The following ITGA6 variants were observed in gnomAD, a reference collection of about 807,000 sequenced individuals.
ITGA6 encodes the protein integrin alpha-6.
In ITGA6, 63 loss-of-function variants were observed where a neutral mutation model predicts 133.6. The ratio of observed to expected loss-of-function variants is 0.47; its 90% CI spans 0.38 to 0.58. The LOEUF (loss-of-function observed/expected upper bound fraction) is 0.58. Ranked by LOEUF, ITGA6 falls within the 20% of genes least tolerant of loss-of-function variation. ITGA6 has a pLI of 0.00. For synonymous variants in ITGA6, 434 were observed against 482.0 expected (o/e 0.90, Z 1.30); for missense variants, 1,068 against 1,309.4 (o/e 0.82, Z 2.85).
intron 1 of ITGA6, among the ~76,000 whole-genome samples, chr2:172,450,364 A>G (rs1684936836): frequency 6.6e-6 from 1 of 152,194 alleles, no homozygotes; most frequent in Admixed American, 6.5e-5. Context: ...TTGTTCAGGT[A>G]TGATGTGATG....
intron 1 of ITGA6, among the ~76,000 whole-genome samples, chr2:172,450,834 AAT>A (rs141518780): frequency 6.9e-6 from 1 of 144,786 alleles, no homozygotes; most frequent in African/African-American, 2.6e-5. Context: ...ATATATATAA[AAT>A]ATATATATAA....
At position 172,489,588 on chromosome 2, in the gene ITGA6, A is replaced by G. The variant is rs926125230; in HGVS notation, c.2609A>G (p.Lys870Arg). 5 of 1,614,104 alleles carry G rather than the reference A, an allele frequency of 3.1e-6. No individual in the cohort carries two copies. The highest frequency in any genetic ancestry group is 4.2e-6 in the Non-Finnish European group (5 of 1,179,942). The change falls in exon 20 of 26, where the codon AAA becomes AGA. Residue 870 changes from lysine to arginine, a missense_variant. Physicochemically the swap from Lys to Arg is conservative, Grantham distance 26. This residue lies in a region of ITGA6 where 609 missense variants were observed against 707.2 expected (regional missense o/e 0.86). Transcript: ENST00000684293. ...GGGAAATGGTTGCTTTATTTGGTGA[A>G]AGTAGAATCCAAAGGATTGGAAAAG... ...SNGKWLLYLVKVESKGLEKVT... is the reference protein window; with the variant it reads ...SNGKWLLYLVRVESKGLEKVT...
intron 3 of ITGA6, among the ~76,000 whole-genome samples, chr2:172,468,399 A>T (rs550412124): frequency 2.6e-5 from 4 of 152,338 alleles, no homozygotes; most frequent in African/African-American, 9.6e-5. Context: ...CAGAATTTTG[A>T]GAAAAAAAAT....
intron 1 of ITGA6, among the ~76,000 whole-genome samples, chr2:172,443,662 T>G (rs1684632527): frequency 6.6e-6 from 1 of 152,276 alleles, no homozygotes; most frequent in Non-Finnish European, 1.5e-5. Context: ...CTGTACTTTA[T>G]GCTTGTTAAA....
At chr2:172,476,300 T>C (rs1256975496) in intron 8 of ITGA6, 95 bp from the exon 9 acceptor site, 1 of 793,762 alleles carries the variant, frequency 1.3e-6, no homozygotes, top group Non-Finnish European at 2.3e-6. Flanking sequence ...CTCTCAAATT[T>C]CAGTTCAAAA....
chr2:172,475,736 A>G lies in ITGA6; in HGVS notation c.1269+51A>G, dbSNP rs376491950. On this transcript the variant is annotated intron_variant, in intron 8 of 25. Coordinates refer to ENST00000684293, the MANE Select transcript of ITGA6 (RefSeq NM_000210.4). The stretch of plus-strand genomic sequence containing the variant: ...AGCTAGAGTCTCAACTTTTTGCCCT[A>G]TAATAAAATATTTAGGTTTAAGTGA... The G allele has an allele frequency of 1.0e-3, 999 of 965,694 alleles. 5 individuals carry two copies. The highest frequency in any genetic ancestry group is 3.4e-3 in the South Asian group (268 of 77,746). The allele number at this position is 965,694 out of a possible 1,614,324, so 59.8% of individuals were successfully genotyped here.
chr2:172,506,151 G>A lies in ITGA6; in HGVS notation c.*2083G>A, dbSNP rs531270010. On this transcript the variant is annotated 3_prime_UTR_variant, in exon 26 of 26. Transcript: ENST00000684293. Reference sequence around the variant, plus strand: ...TATTTCATGATTAGAAATTACCTGTGGATATTTGTATAAAAGTGTGAAATA... The same window carrying A: ...TATTTCATGATTAGAAATTACCTGTAGATATTTGTATAAAAGTGTGAAATA... 1 of 152,660 alleles carries A rather than the reference G, an allele frequency of 6.6e-6. No homozygotes were observed. The highest frequency in any genetic ancestry group is 2.1e-4 in the South Asian group (1 of 4,828). The allele number at this position is 152,660 out of a possible 1,614,324, so 9.5% of individuals were successfully genotyped here.
intron 25 of ITGA6, chr2:172,503,340 T>A (rs1687427488): frequency 1.3e-5 from 2 of 152,226 alleles, no homozygotes; most frequent in Admixed American, 1.3e-4. Flanking sequence ...TATATATATA[T>A]AAACACACAC....
At chr2:172,486,777 GGCT>G (rs768306786) in intron 13 of ITGA6, among the ~76,000 whole-genome samples, 25 of 152,098 alleles carry the variant, frequency 1.6e-4, no homozygotes, top group Non-Finnish European at 3.1e-4. Flanking sequence ...AAATCTGTGT[GGCT>G]GCTGGGTCAC....
chr2:172,428,214 G>A (rs1328129759), intron 1 of ITGA6: 1 of 248,056 alleles, frequency 4.0e-6, no homozygotes. Flanking sequence ...CCCCGGGAGA[G>A]TTTACTTTTT....
intron 2 of ITGA6, 95 bp from the exon 3 acceptor site, chr2:172,467,386 C>T (rs1559134663): frequency 5.7e-6 from 5 of 884,534 alleles, no homozygotes; most frequent in Non-Finnish European, 7.5e-6. Flanking sequence ...GACTCAGAGT[C>T]GAGGCCATTT....
chr2:172,479,898 G>C (rs1428252746), intron 10 of ITGA6, 92 bp from the exon 11 acceptor site: 1 of 1,043,162 alleles, frequency 9.6e-7, no homozygotes, highest in African/African-American at 1.6e-5. Context: ...TCATCAATGG[G>C]CATTGGGGGG....
intron 23 of ITGA6, among the ~76,000 whole-genome samples, chr2:172,495,984 G>A (rs1329976857): frequency 6.6e-6 from 1 of 152,182 alleles, no homozygotes; most frequent in Admixed American, 6.5e-5. Flanking sequence ...TCTTACAAAT[G>A]AGGATGGCCC....
chr2:172,469,737 A>G (rs937919281), intron 4 of ITGA6, among the ~76,000 whole-genome samples: 3 of 152,242 alleles, frequency 2.0e-5, no homozygotes, highest in African/African-American at 7.2e-5. Flanking sequence ...GGAGGATTAA[A>G]TAATGGTATA....
chr2:172,451,683 G>C (rs987559646), intron 1 of ITGA6, among the ~76,000 whole-genome samples: 1 of 152,192 alleles, frequency 6.6e-6, no homozygotes, highest in Non-Finnish European at 1.5e-5. Context: ...AGCGCAGCTA[G>C]AGATGAGGAA....
chr2:172,490,316 A>G (rs1474950936), intron 20 of ITGA6, among the ~76,000 whole-genome samples: 1 of 152,156 alleles, frequency 6.6e-6, no homozygotes, highest in African/African-American at 2.4e-5. Context: ...CAAAGCCTGT[A>G]CTGTTAACCC....
chr2:172,467,046 A>G (rs916490958), intron 2 of ITGA6, among the ~76,000 whole-genome samples: 1 of 152,242 alleles, frequency 6.6e-6, no homozygotes. Flanking sequence ...AATGCTGTTA[A>G]ATAAAAAAAT....
chr2:172,458,817 A>G (rs1685315925), intron 1 of ITGA6, among the ~76,000 whole-genome samples: 1 of 152,240 alleles, frequency 6.6e-6, no homozygotes, highest in African/African-American at 2.4e-5. Context: ...GAAAACTTCT[A>G]GGCAAAATGC....
chr2:172,454,119 T>C (rs1343722359), intron 1 of ITGA6, among the ~76,000 whole-genome samples: 1 of 148,748 alleles, frequency 6.7e-6, no homozygotes, highest in East Asian at 2.0e-4. Context: ...GGAGTCTCAC[T>C]CTTGCCCAGG....
Sources: gnomAD v4.1 joint callset for allele counts (sites outside exome capture counted in the v4.1 genomes callset) on GRCh38, gnomAD v4.1.1 for gene constraint, gnomAD v4.1.1 regional missense constraint, MANE v1.5 for transcripts, NCBI Gene and HGNC (gene_info 2026-07-23, HGNC 2026-07-21) for gene names.